Variants in LRBA observed in about 807,000 individuals in gnomAD.
LRBA encodes lipopolysaccharide-responsive and beige-like anchor protein.
Under a neutral mutation model 330.0 loss-of-function variants are expected in LRBA, and 176 were observed. The ratio of observed to expected loss-of-function variants is 0.53; its 90% confidence interval spans 0.47 to 0.60. LRBA has a LOEUF of 0.60. Ranked by LOEUF, LRBA falls within the 20% of genes least tolerant of loss-of-function variation. The pLI, the probability that LRBA is intolerant of heterozygous loss-of-function variation, is 0.00. For missense variants in LRBA, 3,259 were observed against 3,444.8 expected, an observed-to-expected ratio of 0.95 and a Z score of 1.35; for synonymous variants, 1,230 against 1,193.0, an observed-to-expected ratio of 1.03 and a Z score of -0.64.
intron 2 of LRBA, among the ~76,000 whole-genome samples, chr4:151,010,316 C>T (rs1284922043): frequency 1.3e-5 from 2 of 152,090 alleles, no homozygotes; most frequent in African/African-American, 4.8e-5. Flanking sequence ...TGAAAACATG[C>T]CAACATATAT....
chr4:150,740,029 T>C (rs1560753786), intron 35 of LRBA, among the ~76,000 whole-genome samples: 2 of 152,148 alleles, frequency 1.3e-5, no homozygotes, highest in African/African-American at 2.4e-5. Context: ...TGTGATAATA[T>C]TGTTAACACA....
intron 2 of LRBA, among the ~76,000 whole-genome samples, chr4:150,932,129 T>G (rs1463839241): frequency 6.6e-6 from 1 of 152,034 alleles, no homozygotes; most frequent in Non-Finnish European, 1.5e-5. Flanking sequence ...AAAAAACATT[T>G]TATCACTTCA....
intron 40 of LRBA, among the ~76,000 whole-genome samples, chr4:150,576,641 G>T (rs1770583098): frequency 6.6e-6 from 1 of 151,760 alleles, no homozygotes; most frequent in Admixed American, 6.6e-5. Flanking sequence ...CTGATATACA[G>T]CATACTCTCA....
chr4:150,453,603 T>C (rs1015749195), intron 44 of LRBA, among the ~76,000 whole-genome samples: 3 of 152,168 alleles, frequency 2.0e-5, no homozygotes, highest in Non-Finnish European at 4.4e-5. Context: ...ATTAACACCA[T>C]TGGGTCAAAA....
chr4:150,274,418 C>T (rs1223550147), intron 56 of LRBA, among the ~76,000 whole-genome samples: 1 of 152,066 alleles, frequency 6.6e-6, no homozygotes, highest in Non-Finnish European at 1.5e-5. Context: ...GAAGAGCAAA[C>T]ACATTCAAAA....
chr4:150,932,944 A>T (rs1227970240), intron 2 of LRBA, among the ~76,000 whole-genome samples: 5 of 152,110 alleles, frequency 3.3e-5, no homozygotes, highest in African/African-American at 1.2e-4. Flanking sequence ...ACAAAAAAAT[A>T]GCAATTTGGT....
At chr4:150,794,158 T>C (rs533776523) in intron 34 of LRBA, among the ~76,000 whole-genome samples, 4 of 152,210 alleles carry the variant, frequency 2.6e-5, no homozygotes, top group Non-Finnish European at 4.4e-5. Context: ...CACAGAAATA[T>C]AATGGCATAT....
chr4:150,422,838 G>A, intron 46 of LRBA: 10 of 1,428,126 alleles, frequency 7.0e-6, no homozygotes, highest in Middle Eastern at 1.8e-4. Context: ...CAGCCAGGCT[G>A]TACTGAACTC....
intron 34 of LRBA, among the ~76,000 whole-genome samples, chr4:150,797,557 C>A (rs1257086883): frequency 6.6e-6 from 1 of 151,862 alleles, no homozygotes; most frequent in African/African-American, 2.4e-5. Context: ...TTTGGAACAC[C>A]TAAAATAATT....
chr4:150,946,492 C>T (rs749315819), intron 2 of LRBA, among the ~76,000 whole-genome samples: 1 of 152,064 alleles, frequency 6.6e-6, no homozygotes, highest in Admixed American at 6.6e-5. Context: ...TGTGCGAACA[C>T]TTGGAAACTA....
intron 46 of LRBA, among the ~76,000 whole-genome samples, chr4:150,424,611 G>T (rs752641246): frequency 1.3e-5 from 2 of 151,358 alleles, no homozygotes; most frequent in East Asian, 3.9e-4. Flanking sequence ...CAGGGAGCAC[G>T]TGCGCGCGTG....
At chr4:150,829,707 G>A (rs1746867045) in intron 29 of LRBA, among the ~76,000 whole-genome samples, 1 of 152,094 alleles carries the variant, frequency 6.6e-6, no homozygotes, top group South Asian at 2.1e-4. Context: ...TTCTCTGTCT[G>A]CATTTAGTCC....
intron 2 of LRBA, among the ~76,000 whole-genome samples, chr4:150,933,627 CA>C (rs111744723): frequency 1.3e-5 from 2 of 150,990 alleles, no homozygotes; most frequent in African/African-American, 4.9e-5. Context: ...GCATAGAAGG[CA>C]AAAAAAAGAT....
intron 2 of LRBA, among the ~76,000 whole-genome samples, chr4:150,937,763 A>T (rs930776103): frequency 6.6e-6 from 1 of 152,156 alleles, no homozygotes; most frequent in African/African-American, 2.4e-5. Context: ...GAAGAATTCA[A>T]ATAAACCTTT....
chr4:150,322,524 G>T (rs1006349489), intron 49 of LRBA, among the ~76,000 whole-genome samples: 1 of 152,062 alleles, frequency 6.6e-6, no homozygotes, highest in Non-Finnish European at 1.5e-5. Context: ...ATGTAAATGT[G>T]GAGGCACATA....
intron 37 of LRBA, among the ~76,000 whole-genome samples, chr4:150,625,454 C>T (rs1380732853): frequency 1.3e-5 from 2 of 152,072 alleles, no homozygotes; most frequent in East Asian, 3.8e-4. Flanking sequence ...CAGAAAATCT[C>T]CAAGTTATCT....
At chr4:150,864,019 A>T (rs1005681894) in intron 22 of LRBA, among the ~76,000 whole-genome samples, 2 of 151,516 alleles carry the variant, frequency 1.3e-5, no homozygotes, top group Non-Finnish European at 2.9e-5. Flanking sequence ...GCTCACTGCA[A>T]CTCCACCTCC....
intron 34 of LRBA, among the ~76,000 whole-genome samples, chr4:150,785,849 A>T (rs757485055): frequency 6.6e-5 from 10 of 152,238 alleles, no homozygotes; most frequent in Non-Finnish European, 1.2e-4. Context: ...GGGCACTTAA[A>T]AACAATTAGA....
chr4:150,395,557 C>T (rs1744616742), intron 47 of LRBA, among the ~76,000 whole-genome samples: 1 of 152,126 alleles, frequency 6.6e-6, no homozygotes, highest in Non-Finnish European at 1.5e-5. Context: ...ACACTGCCAT[C>T]TTCCTAATGA....
Sources: allele counts gnomAD v4.1 joint callset (sites outside exome capture counted in the v4.1 genomes callset), GRCh38; gene constraint gnomAD v4.1.1; transcripts MANE v1.5; gene names NCBI Gene and HGNC (gene_info 2026-07-23, HGNC 2026-07-21).